Variants in CCDC73 observed in about 807,000 individuals in gnomAD.
CCDC73 encodes coiled-coil domain-containing protein 73.
CCDC73 carries 95 observed loss-of-function variants against 116.5 expected under a neutral mutation model. The ratio of observed to expected loss-of-function variants is 0.82; its 90% CI spans 0.69 to 0.97. CCDC73 has a LOEUF of 0.97. Ranked by LOEUF, CCDC73 falls within the 50% of genes least tolerant of loss-of-function variation. The pLI, the probability that CCDC73 is intolerant of heterozygous loss-of-function variation, is 0.00. For missense variants in CCDC73, 1,066 were observed against 1,206.8 expected (o/e 0.88, Z 1.73); for synonymous variants, 398 against 401.3 (o/e 0.99, Z 0.10).
intron 7 of CCDC73, among the ~76,000 whole-genome samples, chr11:32,677,680 G>A (rs188498455): frequency 1.2e-3 from 175 of 151,984 alleles, no homozygotes; most frequent in African/African-American, 4.1e-3. Context: ...CAGGCCAGGC[G>A]CAGTGGCTCA....
At chr11:32,745,973 G>C (rs1264877367) in intron 2 of CCDC73, among the ~76,000 whole-genome samples, 3 of 152,212 alleles carry the variant, frequency 2.0e-5, no homozygotes, top group Middle Eastern at 3.4e-3. Context: ...TCATTATAAT[G>C]CTAGCTGGTT....
intron 1 of CCDC73, among the ~76,000 whole-genome samples, chr11:32,767,786 C>T (rs1426829456): frequency 6.6e-6 from 1 of 152,182 alleles, no homozygotes; most frequent in African/African-American, 2.4e-5. Flanking sequence ...CATCTCACTC[C>T]AGTTAGAATG....
intron 14 of CCDC73, among the ~76,000 whole-genome samples, chr11:32,622,930 G>C (rs1450285599): frequency 6.6e-6 from 1 of 152,038 alleles, no homozygotes; most frequent in East Asian, 1.9e-4. Context: ...AGTATCAAAT[G>C]CTTCAAAGGG....
chr11:32,702,844 G>C, intron 4 of CCDC73, 29 bp downstream of exon 4: 6 of 1,429,022 alleles, frequency 4.2e-6, no homozygotes, highest in Non-Finnish European at 5.9e-6. Flanking sequence ...ATTTAAAATG[G>C]TAGTGTTTGT....
At chr11:32,795,639 C>G (rs1286455216), upstream of CCDC73, among the ~76,000 whole-genome samples, 2 of 151,588 alleles carry the variant, frequency 1.3e-5, no homozygotes, top group Non-Finnish European at 2.9e-5. Context: ...TTCAGGCCTA[C>G]ATTGTTTTTG....
the CCDC73 span, chr11:32,830,161 C>T: frequency 0.018 from 18,652 of 1,021,544 alleles, 209 homozygotes; most frequent in Non-Finnish European, 0.02. Context: ...GGAACATGTG[C>T]GGGGGGACAC....
At chr11:32,782,608 A>G (rs954068935) in intron 1 of CCDC73, among the ~76,000 whole-genome samples, 1 of 152,248 alleles carries the variant, frequency 6.6e-6, no homozygotes, top group African/African-American at 2.4e-5. Context: ...GACAAAGATT[A>G]AAACAAACTG....
chr11:32,799,653 A>C (rs1373833910), upstream of CCDC73, among the ~76,000 whole-genome samples: 1 of 152,174 alleles, frequency 6.6e-6, no homozygotes, highest in Non-Finnish European at 1.5e-5. Context: ...GCATATTTAC[A>C]TGTCTCCCAA....
chr11:32,613,303 T>C, intron 16 of CCDC73, 119 bp downstream of exon 16: 1 of 810,588 alleles, frequency 1.2e-6, no homozygotes, highest in East Asian at 2.7e-5. Flanking sequence ...TATTAAGTTG[T>C]TCCTAATTTA....
chr11:32,722,565 C>T (rs1263730885), intron 2 of CCDC73, among the ~76,000 whole-genome samples: 1 of 152,158 alleles, frequency 6.6e-6, no homozygotes, highest in African/African-American at 2.4e-5. Context: ...GGAGAGATTA[C>T]AATCTCTTAC....
chr11:32,761,727 CA>C (rs1850393870), intron 1 of CCDC73, among the ~76,000 whole-genome samples: 1 of 151,874 alleles, frequency 6.6e-6, no homozygotes, highest in African/African-American at 2.4e-5. Context: ...TATATATGTG[CA>C]AAAGACTCAT....
chr11:32,830,516 A>C, the CCDC73 span: 1 of 1,533,562 alleles, frequency 6.5e-7, no homozygotes, highest in Non-Finnish European at 8.7e-7. Context: ...AGTTTGTTTG[A>C]CAGTTGCCAG....
At chr11:32,817,968 T>C in the CCDC73 span, among the ~76,000 whole-genome samples, 1 of 152,222 alleles carries the variant, frequency 6.6e-6, no homozygotes, top group Non-Finnish European at 1.5e-5. Flanking sequence ...TATCTCTACA[T>C]AGTGCTACTC....
At chr11:32,773,734 C>A (rs576875519) in intron 1 of CCDC73, among the ~76,000 whole-genome samples, 1 of 151,164 alleles carries the variant, frequency 6.6e-6, no homozygotes, top group Admixed American at 6.6e-5. Context: ...GAGCTATGAT[C>A]GCATTGCTGC....
At chr11:32,750,210 G>A (rs1019690938) in intron 2 of CCDC73, among the ~76,000 whole-genome samples, 2 of 152,144 alleles carry the variant, frequency 1.3e-5, no homozygotes, top group Non-Finnish European at 2.9e-5. Context: ...TTATCTCTCT[G>A]TGCTGAGCTT....
At chr11:32,699,129 T>C (rs996561234) in intron 6 of CCDC73, 122 bp downstream of exon 6, 44 of 1,047,988 alleles carry the variant, frequency 4.2e-5, no homozygotes, top group Non-Finnish European at 4.6e-5. Context: ...TATTAAATTA[T>C]GTAATATATT....
In CCDC73 at chr11:32,718,830, G is replaced by A. The variant is rs563162379; in HGVS notation, c.136-683C>T. 2.6e-5 allele frequency among the ~76,000 whole-genome samples: 4 copies of A among 152,126 alleles called. No homozygotes were observed. In the South Asian group the frequency reaches 8.3e-4, roughly 32 times the overall value. On this transcript the variant is annotated intron_variant, in intron 2 of 17. Coordinates refer to ENST00000335185, the MANE Select transcript of CCDC73 (RefSeq NM_001008391.4). ...GGGAAGAGGAGGACTGGGAGAACAA[G>A]GCAACAACAGTTCTTTCATTGTGGG...
intron 2 of CCDC73, among the ~76,000 whole-genome samples, chr11:32,732,909 C>T (rs1448283434): frequency 6.6e-6 from 1 of 152,138 alleles, no homozygotes; most frequent in African/African-American, 2.4e-5. Context: ...ATCGAATTCA[C>T]ACACAATGAC....
intron 9 of CCDC73, among the ~76,000 whole-genome samples, chr11:32,661,348 C>T (rs1259049200): frequency 6.6e-6 from 1 of 151,998 alleles, no homozygotes; most frequent in African/African-American, 2.4e-5. Flanking sequence ...ATGTGGACAA[C>T]GTGCAGGTTT....
Sources: gnomAD v4.1 joint callset for allele counts (sites outside exome capture counted in the v4.1 genomes callset) on GRCh38, gnomAD v4.1.1 for gene constraint, MANE v1.5 for transcripts, NCBI Gene and HGNC (gene_info 2026-07-23, HGNC 2026-07-21) for gene names.